The following PTPRM variants were observed in gnomAD, a reference collection of about 807,000 sequenced individuals.
PTPRM encodes protein tyrosine phosphatase receptor type M.
A neutral mutation model predicts 186.7 loss-of-function variants in PTPRM; 47 were observed. The ratio of observed to expected loss-of-function variants is 0.25; its 90% CI spans 0.20 to 0.32. The LOEUF is 0.32. Among genes scored for constraint, PTPRM ranks in the 10% least tolerant of loss-of-function variants. The pLI is 1.00. For missense variants in PTPRM, 1,494 were observed against 1,865.0 expected, an observed-to-expected ratio of 0.80 and a Z score of 3.66; for synonymous variants, 668 against 674.9, an observed-to-expected ratio of 0.99 and a Z score of 0.16.
At chr18:7,763,329 A>G (rs945221205) in intron 1 of PTPRM, among the ~76,000 whole-genome samples, 2 of 152,186 alleles carry the variant, frequency 1.3e-5, no homozygotes, top group African/African-American at 4.8e-5. Flanking sequence ...GCACCAGTTC[A>G]TATTTCTAAT....
chr18:8,232,834 G>C (rs149345967), intron 14 of PTPRM, among the ~76,000 whole-genome samples: 1 of 152,192 alleles, frequency 6.6e-6, no homozygotes, highest in African/African-American at 2.4e-5. Context: ...GGGTCAGGGG[G>C]CACCTTGCTT....
chr18:8,117,234 A>C (rs931892279), intron 13 of PTPRM, among the ~76,000 whole-genome samples: 1 of 152,226 alleles, frequency 6.6e-6, no homozygotes, highest in African/African-American at 2.4e-5. Context: ...TTGATACCAC[A>C]GAGTAAAGAT....
intron 19 of PTPRM, among the ~76,000 whole-genome samples, chr18:8,288,831 G>A (rs898891297): frequency 6.6e-6 from 1 of 152,222 alleles, no homozygotes; most frequent in Non-Finnish European, 1.5e-5. Context: ...AATTTGAAGA[G>A]AAAGAAAGGC....
At chr18:7,595,905 A>G (rs1320083142) in intron 1 of PTPRM, among the ~76,000 whole-genome samples, 3 of 152,212 alleles carry the variant, frequency 2.0e-5, no homozygotes, top group East Asian at 1.9e-4. Flanking sequence ...TTCCAGAAAC[A>G]TTGTACCCAT....
chr18:8,086,851 G>A (rs2090459956), intron 10 of PTPRM, among the ~76,000 whole-genome samples: 2 of 152,092 alleles, frequency 1.3e-5, no homozygotes, highest in Non-Finnish European at 2.9e-5. Context: ...TTTTTATTGT[G>A]TAATATTTTA....
intron 14 of PTPRM, among the ~76,000 whole-genome samples, chr18:8,162,668 T>C (rs2093252582): frequency 6.6e-6 from 1 of 152,218 alleles, no homozygotes; most frequent in African/African-American, 2.4e-5. Context: ...ACGTGGCTGA[T>C]GATTTCTTTA....
intron 2 of PTPRM, among the ~76,000 whole-genome samples, chr18:7,807,664 G>A (rs769209466): frequency 3.3e-5 from 5 of 152,118 alleles, no homozygotes; most frequent in Non-Finnish European, 5.9e-5. Context: ...GCCCCCAAGT[G>A]AAAAAACAAG....
intron 2 of PTPRM, among the ~76,000 whole-genome samples, chr18:7,796,008 C>A (rs973457387): frequency 2.0e-5 from 3 of 151,882 alleles, no homozygotes; most frequent in Non-Finnish European, 4.4e-5. Flanking sequence ...CAGAGTTTCA[C>A]TATTTTGCCC....
chr18:8,377,565 G>T (rs2095704618), intron 26 of PTPRM: 1 of 151,854 alleles, frequency 6.6e-6, no homozygotes, highest in Non-Finnish European at 1.5e-5. Flanking sequence ...ACAAGAGGTT[G>T]TTGAAAAAAA....
chr18:8,070,639 A>G (rs1029441780), intron 8 of PTPRM, among the ~76,000 whole-genome samples: 5 of 152,170 alleles, frequency 3.3e-5, no homozygotes, highest in African/African-American at 1.2e-4. Flanking sequence ...AAAACAGTAA[A>G]ATTATGCCTT....
intron 20 of PTPRM, among the ~76,000 whole-genome samples, chr18:8,310,645 G>A (rs1490855299): frequency 6.6e-6 from 1 of 151,938 alleles, no homozygotes; most frequent in Non-Finnish European, 1.5e-5. Context: ...CAGGACCCAT[G>A]CCATTCACTC....
chr18:8,387,503 G>GAGAA (rs113920545), intron 31 of PTPRM, among the ~76,000 whole-genome samples: 1 of 149,726 alleles, frequency 6.7e-6, no homozygotes, highest in African/African-American at 2.5e-5. Context: ...ACTGCCAAGA[G>GAGAA]GAAAAAAAAA....
chr18:8,353,672 G>A (rs1364600485), intron 23 of PTPRM, among the ~76,000 whole-genome samples: 1 of 152,000 alleles, frequency 6.6e-6, no homozygotes, highest in Non-Finnish European at 1.5e-5. Context: ...AATAAAAGTA[G>A]GTGTAAGGAG....
intron 4 of PTPRM, among the ~76,000 whole-genome samples, chr18:7,923,849 T>C (rs2051013848): frequency 6.6e-6 from 1 of 152,246 alleles, no homozygotes; most frequent in East Asian, 1.9e-4. Context: ...GTTTTCACTT[T>C]AAAATAATCT....
At chr18:7,859,971 G>A (rs1273600523) in intron 2 of PTPRM, among the ~76,000 whole-genome samples, 2 of 152,114 alleles carry the variant, frequency 1.3e-5, no homozygotes, top group African/African-American at 4.8e-5. Context: ...ACAAGTGGAG[G>A]GCTAGTAGAT....
intron 14 of PTPRM, among the ~76,000 whole-genome samples, chr18:8,183,475 C>T (rs1413374137): frequency 1.3e-5 from 2 of 152,192 alleles, no homozygotes; most frequent in African/African-American, 4.8e-5. Flanking sequence ...CCTGCAATAT[C>T]TGCTTCATTT....
rs569590453 is a variant in PTPRM at position 7,627,861 on chromosome 18, C to T, written c.73+59970C>T. ...GTTAGTTAGGAAATGGGGTGTTGTG[C>T]GGTGCTACAGTGACTAGAGTCAGAA... On this transcript the variant is annotated intron_variant, in intron 1 of 32. Transcript: ENST00000580170. 7.9e-5 allele frequency among the ~76,000 whole-genome samples: 12 copies of T among 152,200 alleles called. No homozygotes were observed. The South Asian group carries it at 1.2e-3, about 16-fold the overall frequency.
At chr18:7,980,197 A>C (rs1439714313) in intron 7 of PTPRM, among the ~76,000 whole-genome samples, 1 of 151,984 alleles carries the variant, frequency 6.6e-6, no homozygotes, top group East Asian at 1.9e-4. Flanking sequence ...GAGTCTTTCT[A>C]CTACCTCACC....
chr18:7,820,659 T>G (rs528633580), intron 2 of PTPRM, among the ~76,000 whole-genome samples: 11 of 152,216 alleles, frequency 7.2e-5, no homozygotes, highest in Non-Finnish European at 8.8e-5. Context: ...TTCAGAAATG[T>G]TTCCCTGGAA....
Sources: allele counts gnomAD v4.1 joint callset (sites outside exome capture counted in the v4.1 genomes callset), GRCh38; gene constraint gnomAD v4.1.1; transcripts MANE v1.5; gene names NCBI Gene and HGNC (gene_info 2026-07-23, HGNC 2026-07-21).